The following SDCCAG8 variants were observed in gnomAD, a reference collection of about 807,000 sequenced individuals.
SDCCAG8 encodes the protein serologically defined colon cancer antigen 8.
In SDCCAG8, 74 loss-of-function variants were observed where a neutral mutation model predicts 101.8. That is an observed-to-expected ratio of 0.73 (90% confidence interval 0.60 to 0.88). The LOEUF is 0.88. SDCCAG8 is among the 40% of genes least tolerant of loss of function. SDCCAG8 has a pLI of 0.00. For synonymous variants in SDCCAG8, 281 were observed against 292.9 expected (o/e 0.96, Z 0.41); for missense variants, 787 against 822.6 (o/e 0.96, Z 0.53).
At chr1:243,451,595 T>C (rs1204034336) in intron 16 of SDCCAG8, among the ~76,000 whole-genome samples, 1 of 152,148 alleles carries the variant, frequency 6.6e-6, no homozygotes, top group African/African-American at 2.4e-5. Context: ...GCACACATTG[T>C]ACACACATGC....
intron 15 of SDCCAG8, among the ~76,000 whole-genome samples, chr1:243,419,613 T>C (rs1183008416): frequency 6.6e-6 from 1 of 152,212 alleles, no homozygotes; most frequent in Admixed American, 6.5e-5. Flanking sequence ...GCAGGAATTA[T>C]TATCTTCCAG....
chr1:243,481,637 C>T (rs534229770), intron 16 of SDCCAG8, among the ~76,000 whole-genome samples: 35 of 152,216 alleles, frequency 2.3e-4, no homozygotes, highest in Admixed American at 1.3e-3. Flanking sequence ...ATGAGGAAGA[C>T]GCCGCTCCCA....
intron 16 of SDCCAG8, among the ~76,000 whole-genome samples, chr1:243,455,215 A>C (rs569635216): frequency 9.2e-5 from 14 of 152,318 alleles, no homozygotes; most frequent in African/African-American, 3.4e-4. Context: ...TTGCCCTAAC[A>C]TGAAAAAGTA....
At chr1:243,402,843 T>C (rs778695008) in intron 13 of SDCCAG8, among the ~76,000 whole-genome samples, 7 of 152,194 alleles carry the variant, frequency 4.6e-5, no homozygotes, top group Non-Finnish European at 1.0e-4. Flanking sequence ...AGGACTCATA[T>C]TGATTAGTCT....
chr1:243,256,674 G>GC (rs996493806), intron 1 of SDCCAG8, among the ~76,000 whole-genome samples: 1 of 152,180 alleles, frequency 6.6e-6, no homozygotes, highest in African/African-American at 2.4e-5. Flanking sequence ...AATCACAAGA[G>GC]CCCCCTTTTA....
At chr1:243,409,876 AT>A (rs1250791321) in intron 13 of SDCCAG8, among the ~76,000 whole-genome samples, 2 of 152,196 alleles carry the variant, frequency 1.3e-5, no homozygotes, top group Non-Finnish European at 2.9e-5. Context: ...TAAAAAAGTC[AT>A]TTTTGGATGT....
intron 17 of SDCCAG8, among the ~76,000 whole-genome samples, chr1:243,490,334 G>A (rs543877754): frequency 8.5e-5 from 13 of 152,340 alleles, no homozygotes; most frequent in South Asian, 6.2e-4. Context: ...GGAGCGGGCC[G>A]CTCAAAGTCC....
chr1:243,330,093 T>G (rs2074479396), intron 9 of SDCCAG8, among the ~76,000 whole-genome samples: 1 of 152,242 alleles, frequency 6.6e-6, no homozygotes, highest in Admixed American at 6.5e-5. Context: ...ATATTCAACA[T>G]TTCATTTTAG....
At chr1:243,384,223 C>G (rs1451736695) in intron 13 of SDCCAG8, among the ~76,000 whole-genome samples, 2 of 152,196 alleles carry the variant, frequency 1.3e-5, no homozygotes, top group Non-Finnish European at 2.9e-5. Context: ...TTATATTTCT[C>G]AGAGCCCCTG....
intron 15 of SDCCAG8, among the ~76,000 whole-genome samples, chr1:243,425,045 A>C (rs535450417): frequency 6.6e-6 from 1 of 152,262 alleles, no homozygotes; most frequent in South Asian, 2.1e-4. Flanking sequence ...TGATTCTGAA[A>C]GGAGAAACGT....
At chr1:243,272,336 G>A (rs983398696) in intron 3 of SDCCAG8, among the ~76,000 whole-genome samples, 11 of 152,122 alleles carry the variant, frequency 7.2e-5, no homozygotes, top group African/African-American at 2.7e-4. Flanking sequence ...ACTCCCATAC[G>A]AACACTCCAT....
intron 15 of SDCCAG8, among the ~76,000 whole-genome samples, chr1:243,418,377 G>A (rs1402632940): frequency 6.6e-6 from 1 of 152,112 alleles, no homozygotes; most frequent in Non-Finnish European, 1.5e-5. Flanking sequence ...GATAAATCAA[G>A]CAGTTATAAA....
chr1:243,489,062 G>A lies in SDCCAG8; in HGVS notation c.2034G>A (p.Val678=), dbSNP rs777427404. ...KHSQATAQQL[V]QLLSKQNQLL... ...GCCAGGCCACAGCCCAGCAGCTGGT[G>A]CAGCTCCTCAGCAAGCAGAACCAGC... Residue 678 remains valine (V), a synonymous_variant, in exon 17 of 18, where the codon GTG becomes GTA. Transcript: ENST00000366541. 1 of 1,613,454 alleles carries A rather than the reference G, an allele frequency of 6.2e-7. No individual in the cohort carries two copies.
chr1:243,497,350 G>A (rs989122886), intron 17 of SDCCAG8, among the ~76,000 whole-genome samples: 8 of 147,036 alleles, frequency 5.4e-5, no homozygotes, highest in African/African-American at 1.0e-4. Context: ...GGGGGGGGGC[G>A]TTGAGCAGTG....
rs144254594 is a variant in SDCCAG8 at position 243,293,101 on chromosome 1, A to C, written c.557A>C (p.His186Pro). The change falls in exon 6 of 18, where the codon CAC becomes CCC. Residue 186 changes from histidine to proline, a missense_variant. Coordinates refer to ENST00000366541, the MANE Select transcript of SDCCAG8 (RefSeq NM_006642.5). ...QTLLDASGNMHNSWITTGEDS... is the reference protein window; with the variant it reads ...QTLLDASGNMPNSWITTGEDS... ...CACATTTTATTTTAGGGAAACATGCACAATTCTTGGATTACAACAGGTGAA... is the reference window on the plus strand; with the variant it reads ...CACATTTTATTTTAGGGAAACATGCCCAATTCTTGGATTACAACAGGTGAA... 3.7e-6 allele frequency: 6 copies of C among 1,614,018 alleles called. No individual in the cohort carries two copies. Among genetic ancestry groups the C allele is most frequent in the African/African-American group, 1.3e-5 (1 of 74,926 alleles).
Position 243,318,191 on chromosome 1 carries a change from C to T in SDCCAG8, c.1068+1298C>T, listed in dbSNP as rs73118340. On this transcript the variant is annotated intron_variant, in intron 9 of 17. Coordinates refer to ENST00000366541, the MANE Select transcript of SDCCAG8 (RefSeq NM_006642.5). The stretch of plus-strand genomic sequence containing the variant: ...ATGCAGCCATAAAAAGAATGAGATC[C>T]GATCTTTTGCAGGAACATGCATGGA... 358 of 399,382 alleles carry T rather than the reference C, an allele frequency of 9.0e-4. 4 individuals carry two copies. Among genetic ancestry groups the T allele is most frequent in the African/African-American group, 6.4e-3 (309 of 48,154 alleles). The allele number at this position is 399,382 out of a possible 1,614,324, so 24.7% of individuals were successfully genotyped here. A position where few individuals can be genotyped will look rare whatever the true frequency, so the allele number is the denominator to read the frequency against.
intron 13 of SDCCAG8, among the ~76,000 whole-genome samples, chr1:243,400,201 A>C (rs142668252): frequency 2.6e-5 from 4 of 152,342 alleles, no homozygotes; most frequent in Non-Finnish European, 4.4e-5. Context: ...GTTAGTGCAC[A>C]CTGTGACTCT....
chr1:243,399,670 C>G (rs1486090397), intron 13 of SDCCAG8, among the ~76,000 whole-genome samples: 1 of 152,064 alleles, frequency 6.6e-6, no homozygotes, highest in Admixed American at 6.6e-5. Flanking sequence ...TCACACTCGG[C>G]TAATTTTTGT....
At chr1:243,499,635 A>G (rs1669007637) in intron 17 of SDCCAG8, 121 bp from the exon 18 acceptor site, 2 of 796,558 alleles carry the variant, frequency 2.5e-6, no homozygotes, top group Non-Finnish European at 2.2e-6. Flanking sequence ...CATTTTTAGC[A>G]ACAGGTTTTT....
Sources: allele counts gnomAD v4.1 joint callset (sites outside exome capture counted in the v4.1 genomes callset), GRCh38; gene constraint gnomAD v4.1.1; transcripts MANE v1.5; gene names NCBI Gene and HGNC (gene_info 2026-07-23, HGNC 2026-07-21).